Variants in COG5 observed in about 807,000 individuals in gnomAD.
COG5 encodes the protein component of oligomeric golgi complex 5.
Under a neutral mutation model 110.4 loss-of-function variants are expected in COG5, and 86 were observed. The observed-to-expected ratio is 0.78, with a 90% CI of 0.65 to 0.93. COG5 has a LOEUF of 0.93. Ranked by LOEUF, COG5 falls within the 40% of genes least tolerant of loss-of-function variation. COG5 has a pLI of 0.00. For synonymous variants in COG5, 360 were observed against 334.6 expected (o/e 1.08, Z -0.83); for missense variants, 1,077 against 987.0 (o/e 1.09, Z -1.22).
chr7:107,302,278 T>C (rs1314563781), intron 11 of COG5, among the ~76,000 whole-genome samples: 3 of 152,114 alleles, frequency 2.0e-5, no homozygotes, highest in African/African-American at 4.8e-5. Context: ...GAATATATAA[T>C]ATATGCTAAA....
At chr7:107,266,025 C>T (rs1036578266) in intron 14 of COG5, among the ~76,000 whole-genome samples, 1 of 152,026 alleles carries the variant, frequency 6.6e-6, no homozygotes, top group East Asian at 1.9e-4. Flanking sequence ...GCACTCCAGC[C>T]TGGGTGACAG....
intron 10 of COG5, among the ~76,000 whole-genome samples, chr7:107,339,855 A>T (rs1205177050): frequency 6.6e-6 from 1 of 152,166 alleles, no homozygotes; most frequent in African/African-American, 2.4e-5. Context: ...TCTGTGATGC[A>T]GCAAAAGCAG....
At chr7:107,372,859 T>C in intron 7 of COG5, 99 bp from the exon 8 acceptor site, 1 of 1,125,204 alleles carries the variant, frequency 8.9e-7, no homozygotes, top group East Asian at 2.5e-5. Flanking sequence ...AGCAGTCCTA[T>C]CATATTTAAA....
At chr7:107,409,128 A>C (rs1792082235) in intron 7 of COG5, among the ~76,000 whole-genome samples, 1 of 151,798 alleles carries the variant, frequency 6.6e-6, no homozygotes, top group Non-Finnish European at 1.5e-5. Flanking sequence ...TCATCAAGGA[A>C]AAGCATTTAG....
chr7:107,472,358 T>C (rs894971477), intron 6 of COG5: 12 of 151,986 alleles, frequency 7.9e-5, no homozygotes, highest in Non-Finnish European at 1.5e-4. Context: ...TGCCAAAAAC[T>C]GTCATAGTGA....
At chr7:107,434,859 A>G (rs1794265608) in intron 6 of COG5, among the ~76,000 whole-genome samples, 1 of 152,032 alleles carries the variant, frequency 6.6e-6, no homozygotes, top group Non-Finnish European at 1.5e-5. Flanking sequence ...AGTCCCAGCT[A>G]CTTGGTAGGC....
chr7:107,256,474 T>C (rs900901658), intron 16 of COG5, among the ~76,000 whole-genome samples: 3 of 152,082 alleles, frequency 2.0e-5, no homozygotes, highest in Admixed American at 2.0e-4. Context: ...ATTAGATAAA[T>C]ACATGTAAGA....
At chr7:107,272,491 C>T (rs997176353) in intron 14 of COG5, among the ~76,000 whole-genome samples, 4 of 152,182 alleles carry the variant, frequency 2.6e-5, no homozygotes, top group Non-Finnish European at 2.9e-5. Flanking sequence ...TGTGTCTCTG[C>T]AAGTCCTCAA....
intron 12 of COG5, among the ~76,000 whole-genome samples, chr7:107,285,997 A>G (rs1017301871): frequency 6.6e-6 from 1 of 152,230 alleles, no homozygotes; most frequent in Non-Finnish European, 1.5e-5. Context: ...AAATAAAGCA[A>G]GGAAGATAGA....
At chr7:107,476,409 T>C (rs1797000060) in intron 6 of COG5, among the ~76,000 whole-genome samples, 1 of 151,420 alleles carries the variant, frequency 6.6e-6, no homozygotes, top group Admixed American at 6.6e-5. Context: ...TCCCACCAAA[T>C]CATAGCTCCC....
At chr7:107,245,403 A>G (rs1801977138) in intron 17 of COG5, among the ~76,000 whole-genome samples, 1 of 152,240 alleles carries the variant, frequency 6.6e-6, no homozygotes, top group Admixed American at 6.5e-5. Flanking sequence ...GCATCTAAAT[A>G]GGAAGAGAAG....
intron 7 of COG5, among the ~76,000 whole-genome samples, chr7:107,379,352 A>G (rs972186432): frequency 3.9e-5 from 6 of 152,198 alleles, no homozygotes; most frequent in Non-Finnish European, 8.8e-5. Context: ...ACTATGGAGA[A>G]ACTGCATCAA....
Position 107,201,514 on chromosome 7 carries a change from C to A in COG5, c.*2002G>T. The A allele has an allele frequency of 1.3e-6, 1 of 781,812 alleles. No individual in the cohort carries two copies. The highest frequency in any genetic ancestry group is 2.2e-6 in the Non-Finnish European group (1 of 459,988). The allele number at this position is 781,812 out of a possible 1,614,324, so 48.4% of individuals were successfully genotyped here. ...AGACTTAAGAAGATCAAGGTCTCAC[C>A]ATTTGTCCTCAATTCGTGTGACCAT... On this transcript the variant is annotated 3_prime_UTR_variant, in exon 22 of 22. Transcript: ENST00000297135.
In COG5 at chr7:107,474,579, G is replaced by A. The variant is rs1563055621; in HGVS notation, c.538+52658C>T. The A allele has an allele frequency of 3.7e-6, 6 of 1,610,382 alleles. No individual in the cohort carries two copies. The highest frequency in any genetic ancestry group is 4.2e-6 in the Non-Finnish European group (5 of 1,178,348). ...GGATTTTTTCTTTTTTCTCTTTCCT[G>A]ATTCCTTTTATTGAGGTAAATTTTT... On this transcript the variant is annotated intron_variant, in intron 6 of 21. Transcript: ENST00000297135. This position sits in a 1 kb window ranked among gnomAD's most constrained non-coding sequence, Gnocchi z 5.7.
intron 10 of COG5, among the ~76,000 whole-genome samples, chr7:107,331,414 G>A (rs1490785536): frequency 6.6e-6 from 1 of 152,040 alleles, no homozygotes; most frequent in Non-Finnish European, 1.5e-5. Flanking sequence ...CTTGCAGTGA[G>A]CCGAGATCAC....
intron 1 of COG5, among the ~76,000 whole-genome samples, chr7:107,561,022 G>C (rs1446912235): frequency 1.3e-5 from 2 of 152,064 alleles, no homozygotes; most frequent in African/African-American, 2.4e-5. Flanking sequence ...AGAGACTAAA[G>C]AGTGCTCAGG....
chr7:107,476,651 G>A (rs1584873945), intron 6 of COG5, among the ~76,000 whole-genome samples: 2 of 151,506 alleles, frequency 1.3e-5, no homozygotes, highest in South Asian at 2.1e-4. Context: ...ATAATCTATC[G>A]ATAAGTGTCA....
chr7:107,510,642 C>T (rs553862709), intron 6 of COG5, among the ~76,000 whole-genome samples: 34 of 152,254 alleles, frequency 2.2e-4, no homozygotes, highest in South Asian at 1.7e-3. Context: ...GACCACATAG[C>T]TGGAAGTAAA....
chr7:107,340,711 G>A (rs1117538), intron 10 of COG5, among the ~76,000 whole-genome samples: 2,242 of 152,252 alleles, frequency 0.015, 53 homozygotes, highest in African/African-American at 0.052. Flanking sequence ...TTCCTGGGAT[G>A]CAAGGTTGTT....
Sources: gnomAD v4.1 joint callset for allele counts (sites outside exome capture counted in the v4.1 genomes callset) on GRCh38, gnomAD v4.1.1 for gene constraint, Gnocchi (gnomAD v3.1) non-coding constraint, MANE v1.5 for transcripts, NCBI Gene and HGNC (gene_info 2026-07-23, HGNC 2026-07-21) for gene names.